Variants in PRIM2 observed in about 807,000 individuals in gnomAD.
PRIM2 encodes the protein DNA primase large subunit.
A neutral mutation model predicts 67.3 loss-of-function variants in PRIM2; 39 were observed. The observed-to-expected ratio is 0.58, with a 90% CI of 0.45 to 0.76. The LOEUF (loss-of-function observed/expected upper bound fraction) is 0.76. Ranked by LOEUF, PRIM2 falls within the 30% of genes least tolerant of loss-of-function variation. The probability of loss-of-function intolerance (pLI) is 0.00; values close to 1 mark genes in which losing one functional copy is unlikely to be tolerated. For missense variants in PRIM2, 398 were observed against 598.7 expected (o/e 0.66, Z 3.50); for synonymous variants, 143 against 198.7 (o/e 0.72, Z 2.36).
the PRIM2 span, among the ~76,000 whole-genome samples, chr6:57,267,335 G>C: frequency 6.6e-6 from 1 of 152,106 alleles, no homozygotes; most frequent in East Asian, 1.9e-4. Flanking sequence ...GATCCCAGGA[G>C]GCATGATCAG....
chr6:57,579,060 G>A (rs1776025991), intron 10 of PRIM2, among the ~76,000 whole-genome samples: 1 of 151,676 alleles, frequency 6.6e-6, no homozygotes, highest in Non-Finnish European at 1.5e-5. Context: ...CCTCAGTCCT[G>A]AATCAACCAC....
chr6:57,262,086 T>C, the PRIM2 span, among the ~76,000 whole-genome samples: 1 of 152,196 alleles, frequency 6.6e-6, no homozygotes. Flanking sequence ...TTTTCCCCAC[T>C]GTTGCCCAGA....
chr6:57,627,909 T>C (rs1776980598), intron 12 of PRIM2, among the ~76,000 whole-genome samples: 1 of 152,208 alleles, frequency 6.6e-6, no homozygotes, highest in Non-Finnish European at 1.5e-5. Flanking sequence ...ATGTTTGATA[T>C]TTTTCTAAAA....
At position 57,599,275 on chromosome 6, in the gene PRIM2, G is replaced by C. The variant is rs1776420707; in HGVS notation, c.1021-1818G>C. On this transcript the variant is annotated intron_variant, in intron 10 of 13. Coordinates refer to ENST00000615550, the MANE Select transcript of PRIM2 (RefSeq NM_000947.5). The stretch of plus-strand genomic sequence containing the variant: ...CTCTTAATCCATGAGAGATCTGCAC[G>C]AGCTCCAGTTAGTGTCAGAAGTGAA... Among the ~76,000 whole-genome samples the C allele has an allele frequency of 5.4e-5, 6 of 111,856 alleles. 1 individual carries two copies. The highest frequency in any genetic ancestry group is 2.4e-4 in the African/African-American group (6 of 25,050). The allele number at this position is 111,856 out of a possible 152,430, so 73.4% of individuals were successfully genotyped here.
intron 7 of PRIM2, among the ~76,000 whole-genome samples, chr6:57,488,835 T>A (rs1773811975): frequency 6.6e-6 from 1 of 152,218 alleles, no homozygotes; most frequent in Non-Finnish European, 1.5e-5. Context: ...AGGGAGGTTG[T>A]GGGTGTGCCC....
intron 7 of PRIM2, among the ~76,000 whole-genome samples, chr6:57,417,998 C>G (rs1771326631): frequency 6.6e-6 from 1 of 152,134 alleles, no homozygotes; most frequent in African/African-American, 2.4e-5. Flanking sequence ...ATTATTTTAA[C>G]AGGAATATAT....
intron 7 of PRIM2, among the ~76,000 whole-genome samples, chr6:57,457,090 C>T (rs1454025909): frequency 6.6e-6 from 1 of 152,186 alleles, no homozygotes; most frequent in African/African-American, 2.4e-5. Context: ...GCAGCAGAAG[C>T]TGCAGAACAG....
intron 5 of PRIM2, among the ~76,000 whole-genome samples, chr6:57,332,514 T>C (rs981093428): frequency 1.3e-5 from 2 of 152,180 alleles, no homozygotes; most frequent in Non-Finnish European, 1.5e-5. Context: ...TTTAATTCTG[T>C]CAATTTTTGC....
At chr6:57,433,924 GTT>G (rs5876563) in intron 7 of PRIM2, among the ~76,000 whole-genome samples, 12 of 135,974 alleles carry the variant, frequency 8.8e-5, no homozygotes, top group Admixed American at 1.5e-4. Context: ...TCTGTTCCCT[GTT>G]TTTTTTTTTT....
chr6:57,399,200 C>G (rs554452055), intron 7 of PRIM2, among the ~76,000 whole-genome samples: 37 of 152,222 alleles, frequency 2.4e-4, no homozygotes, highest in African/African-American at 8.7e-4. Flanking sequence ...ATCCCCTGAC[C>G]CCACGACAGG....
chr6:57,256,837 A>G, the PRIM2 span, among the ~76,000 whole-genome samples: 1,501 of 152,286 alleles, frequency 9.9e-3, 9 homozygotes, highest in Middle Eastern at 0.02. Flanking sequence ...GAGTGTAGCC[A>G]TGGTGAACTT....
chr6:57,528,810 C>G (rs1774820661), intron 8 of PRIM2, among the ~76,000 whole-genome samples: 1 of 152,204 alleles, frequency 6.6e-6, no homozygotes, highest in South Asian at 2.1e-4. Context: ...TATTTCTGTA[C>G]TTATTGGTCA....
chr6:57,386,423 A>T (rs1392617188), intron 7 of PRIM2, among the ~76,000 whole-genome samples: 2 of 150,084 alleles, frequency 1.3e-5, no homozygotes, highest in Admixed American at 1.3e-4. Context: ...GTCTCAAAAA[A>T]AAAAAAAAAA....
At chr6:57,610,499 C>T (rs1225491654) in intron 12 of PRIM2, among the ~76,000 whole-genome samples, 1 of 151,928 alleles carries the variant, frequency 6.6e-6, no homozygotes, top group Non-Finnish European at 1.5e-5. Flanking sequence ...TTTAATTAAC[C>T]TTAATATGTT....
At chr6:57,397,933 G>C (rs1188861308) in intron 7 of PRIM2, among the ~76,000 whole-genome samples, 1 of 110,060 alleles carries the variant, frequency 9.1e-6, no homozygotes, top group East Asian at 2.5e-4. Context: ...GTCTTGCTCT[G>C]TTGCCAGGCT....
At chr6:57,563,248 A>G (rs1396210954) in intron 10 of PRIM2, among the ~76,000 whole-genome samples, 2 of 150,644 alleles carry the variant, frequency 1.3e-5, no homozygotes, top group African/African-American at 4.9e-5. Flanking sequence ...TAAAATAATG[A>G]GAATATAATG....
the PRIM2 span, among the ~76,000 whole-genome samples, chr6:57,222,831 C>G: frequency 2.0e-5 from 3 of 152,142 alleles, no homozygotes; most frequent in African/African-American, 7.2e-5. Context: ...TGTAGAGTAA[C>G]TGCATTCTTC....
chr6:57,491,185 A>G (rs1773880363), intron 7 of PRIM2, among the ~76,000 whole-genome samples: 1 of 152,214 alleles, frequency 6.6e-6, no homozygotes, highest in South Asian at 2.1e-4. Flanking sequence ...GAAATCTAAA[A>G]TATTTTAGAA....
the PRIM2 span, among the ~76,000 whole-genome samples, chr6:57,248,215 T>G: frequency 1.5e-4 from 23 of 152,146 alleles, no homozygotes; most frequent in Non-Finnish European, 3.1e-4. Context: ...TGGAAACAGA[T>G]GGTAGGAGCG....
Sources: gnomAD v4.1 joint callset for allele counts (sites outside exome capture counted in the v4.1 genomes callset) on GRCh38, gnomAD v4.1.1 for gene constraint, MANE v1.5 for transcripts, NCBI Gene and HGNC (gene_info 2026-07-23, HGNC 2026-07-21) for gene names.